MIR2052HG: variants seen among roughly 807,000 people sequenced by gnomAD.
The protein encoded by MIR2052HG is MIR2052 host gene.
chr8:74,680,307 A>G (rs963690671), intron 2 of MIR2052HG, among the ~76,000 whole-genome samples: 25 of 152,324 alleles, frequency 1.6e-4, no homozygotes, highest in African/African-American at 5.8e-4. Flanking sequence ...AAGAAGAAAT[A>G]AAATCATGTT....
At chr8:74,757,335 A>T (rs1330729032) in intron 5 of MIR2052HG, 1 of 152,246 alleles carries the variant, frequency 6.6e-6, no homozygotes, top group African/African-American at 2.4e-5. Context: ...GCCTTTGGGC[A>T]TCATGGGAGT....
intron 2 of MIR2052HG, among the ~76,000 whole-genome samples, chr8:74,691,575 T>C (rs766676983): frequency 2.0e-5 from 3 of 152,152 alleles, no homozygotes; most frequent in Non-Finnish European, 2.9e-5. Context: ...CTGCGAACAA[T>C]GTTTAAACTT....
chr8:74,667,532 A>T (rs1276236718), intron 2 of MIR2052HG, among the ~76,000 whole-genome samples: 2 of 152,124 alleles, frequency 1.3e-5, no homozygotes, highest in African/African-American at 4.8e-5. Flanking sequence ...TATTTTACCT[A>T]TGCCTATTAA....
At chr8:74,651,136 AT>A (rs1366436699) in intron 2 of MIR2052HG, among the ~76,000 whole-genome samples, 4 of 136,528 alleles carry the variant, frequency 2.9e-5, no homozygotes, top group South Asian at 2.3e-4. Context: ...TTTTTTTCTC[AT>A]TTTTTTTTCC....
At chr8:74,683,034 T>C (rs1809142238) in intron 2 of MIR2052HG, among the ~76,000 whole-genome samples, 1 of 152,150 alleles carries the variant, frequency 6.6e-6, no homozygotes, top group South Asian at 2.1e-4. Context: ...AGCCATGCAA[T>C]ATTGTGTTCA....
chr8:74,747,327 T>A (rs1191150289), intron 4 of MIR2052HG, among the ~76,000 whole-genome samples: 1 of 152,184 alleles, frequency 6.6e-6, no homozygotes, highest in Admixed American at 6.5e-5. Context: ...ATGGTACCCA[T>A]TTTATAAGCA....
intron 4 of MIR2052HG, among the ~76,000 whole-genome samples, chr8:74,737,862 A>G (rs1461171443): frequency 2.2e-4 from 34 of 151,968 alleles, no homozygotes. Flanking sequence ...GTTTTCTCCT[A>G]TTTTATTCAA....
intron 2 of MIR2052HG, among the ~76,000 whole-genome samples, chr8:74,666,618 C>G (rs968273580): frequency 6.6e-6 from 1 of 152,130 alleles, no homozygotes; most frequent in African/African-American, 2.4e-5. Flanking sequence ...GTCTTGTAGA[C>G]CTTTGGAGAA....
chr8:74,619,363 A>G (rs900131112), intron 2 of MIR2052HG, among the ~76,000 whole-genome samples: 7 of 152,238 alleles, frequency 4.6e-5, no homozygotes, highest in African/African-American at 1.7e-4. Flanking sequence ...GTCAGATTTT[A>G]AAATTTATTA....
chr8:74,674,593 C>G (rs12155791), intron 2 of MIR2052HG, among the ~76,000 whole-genome samples: 36,780 of 151,718 alleles, frequency 0.24, 5,478 homozygotes, highest in East Asian at 0.65. Flanking sequence ...TTTGTCTTTA[C>G]TCTTCCCTAC....
At chr8:74,756,024 T>C (rs1809996311) in intron 5 of MIR2052HG, among the ~76,000 whole-genome samples, 1 of 152,156 alleles carries the variant, frequency 6.6e-6, no homozygotes, top group South Asian at 2.1e-4. Flanking sequence ...AGCACTGAGG[T>C]GGGGGGTCTC....
intron 3 of MIR2052HG, among the ~76,000 whole-genome samples, chr8:74,703,132 A>G (rs1809374574): frequency 1.3e-5 from 2 of 152,026 alleles, no homozygotes; most frequent in South Asian, 4.1e-4. Flanking sequence ...GGCTACTATG[A>G]TAGGTAATCA....
chr8:74,663,620 A>G (rs191157475), intron 2 of MIR2052HG, among the ~76,000 whole-genome samples: 11 of 152,360 alleles, frequency 7.2e-5, no homozygotes, highest in African/African-American at 2.6e-4. Context: ...AACACAGCCA[A>G]TGGGGCTTCC....
intron 2 of MIR2052HG, among the ~76,000 whole-genome samples, chr8:74,655,140 T>G (rs571374714): frequency 6.6e-6 from 1 of 152,276 alleles, no homozygotes; most frequent in East Asian, 1.9e-4. Flanking sequence ...AAGAGGTGAC[T>G]TTGGTGCTGT....
At chr8:74,652,304 G>T (rs577995778) in intron 2 of MIR2052HG, among the ~76,000 whole-genome samples, 1 of 152,248 alleles carries the variant, frequency 6.6e-6, no homozygotes, top group East Asian at 1.9e-4. Context: ...AATATAAGTG[G>T]ACGTGACACA....
chr8:74,689,572 A>C (rs1392699463), intron 2 of MIR2052HG, among the ~76,000 whole-genome samples: 1 of 152,206 alleles, frequency 6.6e-6, no homozygotes, highest in Admixed American at 6.5e-5. Flanking sequence ...GTTGAAGACT[A>C]TTCTGTAACC....
intron 2 of MIR2052HG, among the ~76,000 whole-genome samples, chr8:74,667,943 G>C (rs1044485686): frequency 6.6e-6 from 1 of 151,770 alleles, no homozygotes; most frequent in Non-Finnish European, 1.5e-5. Flanking sequence ...AGGAAGTCCA[G>C]ATGTTGTCAG....
intron 4 of MIR2052HG, among the ~76,000 whole-genome samples, chr8:74,750,695 A>T (rs936968866): frequency 6.6e-6 from 1 of 152,212 alleles, no homozygotes; most frequent in African/African-American, 2.4e-5. Context: ...CAGGACCATC[A>T]TAACTCTTGC....
chr8:74,740,045 G>T (rs1042232229), intron 4 of MIR2052HG, among the ~76,000 whole-genome samples: 1 of 152,100 alleles, frequency 6.6e-6, no homozygotes, highest in Non-Finnish European at 1.5e-5. Flanking sequence ...GTATCATTCT[G>T]AATTACATTT....
Sources: allele counts gnomAD v4.1 joint callset (sites outside exome capture counted in the v4.1 genomes callset), GRCh38; gene constraint gnomAD v4.1.1; transcripts MANE v1.5; gene names NCBI Gene and HGNC (gene_info 2026-07-23, HGNC 2026-07-21).